The following HADH variants were observed in gnomAD, a reference collection of about 807,000 sequenced individuals.
HADH encodes the protein hydroxyacyl-coenzyme A dehydrogenase, mitochondrial.
In HADH, 24 loss-of-function variants were observed where a neutral mutation model predicts 32.2. The observed-to-expected ratio is 0.75, with a 90% CI of 0.54 to 1.05. The LOEUF (loss-of-function observed/expected upper bound fraction) is 1.05. Among genes scored for constraint, HADH ranks in the 50% least tolerant of loss-of-function variants. HADH has a pLI of 0.00. For synonymous variants in HADH, 139 were observed against 152.5 expected (o/e 0.91, Z 0.65); for missense variants, 350 against 397.1 (o/e 0.88, Z 1.01).
In HADH at chr4:107,999,018, A is replaced by G. The variant is rs189077334; in HGVS notation, c.132+8954A>G. 1.5e-3 allele frequency among the ~76,000 whole-genome samples: 229 copies of G among 152,354 alleles called. 3 individuals are homozygous for G. Among genetic ancestry groups the G allele is most frequent in the Non-Finnish European group, 2.3e-3 (157 of 68,032 alleles). ...GATTATCTGTAGCTAATAAGCCTGA[A>G]CAATAAATGCTTTCGCCAATCTCTT... is the stretch of plus-strand genomic sequence containing the variant. On this transcript the variant is annotated intron_variant, in intron 1 of 7. Transcript: ENST00000309522.
At chr4:107,994,705 C>A (rs1734904751) in intron 1 of HADH, among the ~76,000 whole-genome samples, 1 of 152,170 alleles carries the variant, frequency 6.6e-6, no homozygotes, top group Admixed American at 6.5e-5. Flanking sequence ...TGCTGAAGGA[C>A]ATGAGATGTG....
chr4:108,031,153 A>G (rs911886712), intron 6 of HADH: 4 of 152,258 alleles, frequency 2.6e-5, no homozygotes, highest in Admixed American at 6.5e-5. Context: ...GAACCAGTAC[A>G]TAAGCATGTT....
chr4:108,018,600 CT>C (rs1735772710), intron 3 of HADH, among the ~76,000 whole-genome samples: 1 of 152,138 alleles, frequency 6.6e-6, no homozygotes, highest in Non-Finnish European at 1.5e-5. Context: ...CTTCTCCCTT[CT>C]CTTCCTCCTC....
chr4:108,034,296 A>C lies in HADH; in HGVS notation c.884A>C (p.Lys295Thr), dbSNP rs755838486. 4 of 1,613,714 alleles carry C rather than the reference A, an allele frequency of 2.5e-6. No homozygotes were observed. The highest frequency in any genetic ancestry group is 3.4e-6 in the Non-Finnish European group (4 of 1,179,674). The change falls in exon 8 of 8, where the codon AAG becomes ACG. Residue 295 changes from lysine to threonine, a missense_variant. By Grantham distance (78) the Lys-to-Thr change is moderately conservative. Coordinates refer to ENST00000309522, the MANE Select transcript of HADH (RefSeq NM_005327.7). Reference sequence around the variant, plus strand: ...CATCAGCCCAGCCCATCCTTAAATAAGCTGGTAGCAGAGAACAAGTTCGGC... The same window carrying C: ...CATCAGCCCAGCCCATCCTTAAATACGCTGGTAGCAGAGAACAAGTTCGGC... Reference protein sequence around the residue: ...PLHQPSPSLNKLVAENKFGKK... With the variant: ...PLHQPSPSLNTLVAENKFGKK...
At chr4:108,000,889 A>G (rs1735101544) in intron 1 of HADH, among the ~76,000 whole-genome samples, 1 of 152,204 alleles carries the variant, frequency 6.6e-6, no homozygotes, top group Non-Finnish European at 1.5e-5. Flanking sequence ...GCAGTTATTG[A>G]CCAGCTATCA....
chr4:108,005,646 GAAC>G (rs2126224104), intron 1 of HADH, among the ~76,000 whole-genome samples: 1 of 152,288 alleles, frequency 6.6e-6, no homozygotes, highest in African/African-American at 2.4e-5. Context: ...TGTTTCGAAA[GAAC>G]AAACTGCATA....
chr4:107,991,127 T>C (rs1272993300), intron 1 of HADH, among the ~76,000 whole-genome samples: 4 of 152,224 alleles, frequency 2.6e-5, no homozygotes, highest in African/African-American at 9.6e-5. Context: ...TGCGAGTGAT[T>C]GATTACCTGG....
rs142750995 is a variant in HADH, at chr4:108,018,682, G to A, written c.420-858G>A. ...TAGGTAAGCAGAAACCCCCAAGCCTGGTCAGTAAGGGATCCTTTCCTTTCC... is the reference window on the plus strand; with the variant it reads ...TAGGTAAGCAGAAACCCCCAAGCCTAGTCAGTAAGGGATCCTTTCCTTTCC... On this transcript the variant is annotated intron_variant, in intron 3 of 7. Transcript: ENST00000309522. 2.8e-3 allele frequency among the ~76,000 whole-genome samples: 427 copies of A among 152,128 alleles called. 2 individuals carry two copies. The highest frequency in any genetic ancestry group is 9.9e-3 in the African/African-American group (411 of 41,508).
At chr4:108,003,512 A>T (rs1735185644) in intron 1 of HADH, among the ~76,000 whole-genome samples, 1 of 152,176 alleles carries the variant, frequency 6.6e-6, no homozygotes. Flanking sequence ...GTTTCTCCAC[A>T]TATCACCATG....
intron 1 of HADH, among the ~76,000 whole-genome samples, chr4:107,999,653 G>A (rs1321687123): frequency 6.6e-6 from 1 of 152,188 alleles, no homozygotes; most frequent in Non-Finnish European, 1.5e-5. Context: ...AAATAGCTCT[G>A]TCATTCAAGT....
intron 3 of HADH, among the ~76,000 whole-genome samples, chr4:108,019,072 A>G (rs187519152): frequency 2.0e-5 from 3 of 152,262 alleles, no homozygotes; most frequent in Admixed American, 6.5e-5. Flanking sequence ...ATTCACGTTT[A>G]TTATCATATG....
intron 1 of HADH, among the ~76,000 whole-genome samples, chr4:107,991,553 C>T (rs1483530470): frequency 3.4e-5 from 5 of 146,870 alleles, no homozygotes; most frequent in Non-Finnish European, 5.9e-5. Context: ...CCCATTTCCT[C>T]TGAGACCATA....
At chr4:108,011,896 G>GT (rs1317144216) in intron 2 of HADH, among the ~76,000 whole-genome samples, 1 of 151,374 alleles carries the variant, frequency 6.6e-6, no homozygotes, top group African/African-American at 2.4e-5. Context: ...TTTGTTTTTT[G>GT]TTTTTTTGTT....
rs1239635497 is a variant in HADH, at chr4:107,990,082, C to T, written c.132+18C>T. The T allele has an allele frequency of 6.3e-7, 1 of 1,599,068 alleles. No homozygotes were observed. The highest frequency in any genetic ancestry group is 1.3e-5 in the African/African-American group (1 of 74,760). ...TTGCCCAGGTGAGCGGCCCTCCCTG[C>T]AGCGTGCCCACGCGCTTGGCCGCCC... On this transcript the variant is annotated intron_variant, in intron 1 of 7. Transcript: ENST00000309522.
chr4:108,032,317 T>G (rs1235697462), intron 6 of HADH: 12 of 1,572,686 alleles, frequency 7.6e-6, no homozygotes, highest in Non-Finnish European at 1.0e-5. Context: ...TGTCGTAGTC[T>G]ACTCAACAGA....
intron 1 of HADH, among the ~76,000 whole-genome samples, chr4:107,990,430 C>T (rs1734745757): frequency 1.3e-5 from 2 of 152,216 alleles, no homozygotes; most frequent in Admixed American, 1.3e-4. Flanking sequence ...TCCTGCTCGG[C>T]TCAAACGGGA....
intron 6 of HADH, chr4:108,032,182 A>G (rs1736289728): frequency 1.3e-5 from 7 of 529,100 alleles, no homozygotes; most frequent in East Asian, 2.7e-5. Context: ...AAAATTCTAG[A>G]TAGCCACCTG....
chr4:107,994,816 C>T (rs6846789), intron 1 of HADH, among the ~76,000 whole-genome samples: 19,930 of 152,172 alleles, frequency 0.13, 2,144 homozygotes, highest in African/African-American at 0.3. Flanking sequence ...TAGAACCACC[C>T]TCTATTAGCA....
At chr4:108,029,230 G>C (rs193062860) in intron 6 of HADH, 3 of 244,498 alleles carry the variant, frequency 1.2e-5, no homozygotes, top group Middle Eastern at 2.4e-3. Context: ...CATGCCCACC[G>C]TGCCATCTCC....
Sources: allele counts gnomAD v4.1 joint callset (sites outside exome capture counted in the v4.1 genomes callset), GRCh38; gene constraint gnomAD v4.1.1; transcripts MANE v1.5; gene names NCBI Gene and HGNC (gene_info 2026-07-23, HGNC 2026-07-21).